The following EXPH5 variants were observed in gnomAD, a reference collection of about 807,000 sequenced individuals.
The protein encoded by EXPH5 is exophilin-5.
A neutral mutation model predicts 41.1 loss-of-function variants in EXPH5; 42 were observed. The observed-to-expected ratio is 1.02, with a 90% CI of 0.80 to 1.32. EXPH5 has a LOEUF of 1.32. EXPH5 is among the 40% of genes most tolerant of loss of function. EXPH5 has a pLI of 0.00. For missense variants in EXPH5, 2,298 were observed against 2,314.5 expected (o/e 0.99, Z 0.15); for synonymous variants, 798 against 833.5 (o/e 0.96, Z 0.73).
chr11:108,515,847 C>T (rs11212686), intron 5 of EXPH5, among the ~76,000 whole-genome samples: 3,887 of 151,916 alleles, frequency 0.026, 64 homozygotes, highest in Non-Finnish European at 0.035. Flanking sequence ...CCGAGGCGGG[C>T]GGATCACGAG....
intron 1 of EXPH5, among the ~76,000 whole-genome samples, chr11:108,581,984 T>C (rs1048093884): frequency 6.6e-6 from 1 of 152,124 alleles, no homozygotes; most frequent in African/African-American, 2.4e-5. Context: ...ATCAAAGAAA[T>C]TGAGCTCATA....
chr11:108,552,047 C>T (rs1030395217), intron 1 of EXPH5: 1 of 152,120 alleles, frequency 6.6e-6, no homozygotes, highest in African/African-American at 2.4e-5. Context: ...GCCTTTTGTT[C>T]TCCTACTTTA....
rs1394711116 is a variant in EXPH5 at position 108,593,719 on chromosome 11, A to G, written c.-183T>C. On this transcript the variant is annotated 5_prime_UTR_variant, in exon 1 of 6. Coordinates refer to ENST00000265843, the MANE Select transcript of EXPH5 (RefSeq NM_015065.3). Reference sequence around the variant, plus strand: ...CACACCTGAAGGGCTCATATTGACAATACCTTAATGACATGTTTCTCTCAA... The same window carrying G: ...CACACCTGAAGGGCTCATATTGACAGTACCTTAATGACATGTTTCTCTCAA... 6.5e-7 allele frequency: 1 copy of G among 1,539,134 alleles called. No homozygotes were observed. The highest frequency in any genetic ancestry group is 8.7e-7 in the Non-Finnish European group (1 of 1,147,402).
Position 108,509,289 on chromosome 11 carries a change from G to A in EXPH5, c.*248C>T. On this transcript the variant is annotated 3_prime_UTR_variant, in exon 6 of 6. Coordinates refer to ENST00000265843, the MANE Select transcript of EXPH5 (RefSeq NM_015065.3). ...GAATCAGGGATTAAGTGGGAGTGGT[G>A]GAAAGGCAGGCTAAGAACATTTACA... 1 of 328,672 alleles carries A rather than the reference G, an allele frequency of 3.0e-6. No homozygotes were observed. Among genetic ancestry groups the A allele is most frequent in the Non-Finnish European group, 5.5e-6 (1 of 182,114 alleles). The allele number at this position is 328,672 out of a possible 1,614,324, so 20.4% of individuals were successfully genotyped here.
At chr11:108,552,813 A>G (rs1434722643) in intron 1 of EXPH5, among the ~76,000 whole-genome samples, 1 of 152,116 alleles carries the variant, frequency 6.6e-6, no homozygotes, top group Non-Finnish European at 1.5e-5. Flanking sequence ...CAACTATTCA[A>G]GAGACTGAGG....
At chr11:108,580,197 C>T (rs961614430) in intron 1 of EXPH5, among the ~76,000 whole-genome samples, 13 of 152,062 alleles carry the variant, frequency 8.5e-5, no homozygotes, top group African/African-American at 3.1e-4. Context: ...ATTGAAACAC[C>T]TCAACAGCAA....
Position 108,541,721 on chromosome 11 carries a change from C to G in EXPH5, c.211G>C (p.Glu71Gln), listed in dbSNP as rs138610065. 4.9e-5 allele frequency: 79 copies of G among 1,613,116 alleles called. No homozygotes were observed. In the African/African-American group the frequency reaches 9.6e-4, roughly 20 times the overall value. ...EEIQRKKFCN[E>Q]TDVSQMLKQP... ...TTTAACATTTGGCTAACATCTGTTTCATTGCAAAACTTTTTTCTTTGAATT... is the reference window on the plus strand; with the variant it reads ...TTTAACATTTGGCTAACATCTGTTTGATTGCAAAACTTTTTTCTTTGAATT... The change falls in exon 2 of 6, where the codon GAA (glutamate) becomes CAA (glutamine). Residue 71 changes from glutamate (E) to glutamine (Q), a missense_variant. Coordinates refer to ENST00000265843, the MANE Select transcript of EXPH5 (RefSeq NM_015065.3).
chr11:108,582,847 C>T (rs774844368), intron 1 of EXPH5, among the ~76,000 whole-genome samples: 20 of 152,134 alleles, frequency 1.3e-4, no homozygotes, highest in Non-Finnish European at 2.2e-4. Context: ...ATTCTCCCTG[C>T]GTGCTTGTCT....
the EXPH5 span, among the ~76,000 whole-genome samples, chr11:108,606,311 T>C: frequency 6.6e-6 from 1 of 152,028 alleles, no homozygotes; most frequent in East Asian, 1.9e-4. Flanking sequence ...AGACAGCTGG[T>C]TTCCTCCTCG....
chr11:108,537,279 C>T (rs770848059), intron 3 of EXPH5, among the ~76,000 whole-genome samples: 4 of 152,178 alleles, frequency 2.6e-5, no homozygotes, highest in Non-Finnish European at 5.9e-5. Context: ...ATTTCATCTT[C>T]TGAAACCTCT....
At position 108,511,309 on chromosome 11, in the gene EXPH5, G is replaced by A; in HGVS notation, c.4198C>T (p.Leu1400Phe). 1 of 1,600,348 alleles carries A rather than the reference G, an allele frequency of 6.2e-7. No individual in the cohort carries two copies. The highest frequency in any genetic ancestry group is 8.5e-7 in the Non-Finnish European group (1 of 1,175,464). ...QSETLHTSLM[L>F]QRKNVSEEKS... ...TCTTCGGATACATTTTTTCTCTGAA[G>A]CATCAATGAAGTATGCAGGGTTTCA... The change falls in exon 6 of 6, where the codon CTT (leucine) becomes TTT (phenylalanine). Residue 1400 changes from leucine (L) to phenylalanine (F), a missense_variant. Leu to Phe is a conservative substitution (Grantham distance 22). Coordinates refer to ENST00000265843, the MANE Select transcript of EXPH5 (RefSeq NM_015065.3).
chr11:108,600,953 C>A, the EXPH5 span, among the ~76,000 whole-genome samples: 1 of 152,162 alleles, frequency 6.6e-6, no homozygotes, highest in African/African-American at 2.4e-5. Context: ...GTTGAAAGAA[C>A]ACAAAGAAGT....
At chr11:108,602,380 G>T in the EXPH5 span, among the ~76,000 whole-genome samples, 4 of 151,962 alleles carry the variant, frequency 2.6e-5, no homozygotes, top group Admixed American at 6.6e-5. Flanking sequence ...TTCCTTCCTT[G>T]ATAGTTTTCA....
intron 4 of EXPH5, among the ~76,000 whole-genome samples, chr11:108,521,066 CT>C (rs1371304710): frequency 6.6e-6 from 1 of 152,166 alleles, no homozygotes; most frequent in Non-Finnish European, 1.5e-5. Flanking sequence ...TTAGCTCATC[CT>C]GCACTCATCC....
intron 3 of EXPH5, among the ~76,000 whole-genome samples, chr11:108,531,897 T>C (rs1205528160): frequency 1.3e-5 from 2 of 152,176 alleles, no homozygotes; most frequent in Non-Finnish European, 2.9e-5. Context: ...CATCTCTACA[T>C]CTCCCTGCAT....
rs114004187 is a variant in EXPH5 at position 108,544,982 on chromosome 11, T to C, written c.120-3170A>G. On this transcript the variant is annotated intron_variant, in intron 1 of 5. Transcript: ENST00000265843. ...GCTATCTCTTCTTTTTGTTTGATTGTGAATTTTTATTTGTGTTGTCACTTT... is the reference window on the plus strand; with the variant it reads ...GCTATCTCTTCTTTTTGTTTGATTGCGAATTTTTATTTGTGTTGTCACTTT... 5.3e-3 allele frequency among the ~76,000 whole-genome samples: 814 copies of C among 152,320 alleles called. 3 individuals carry two copies. Among genetic ancestry groups the C allele is most frequent in the African/African-American group, 0.019 (774 of 41,544 alleles).
chr11:108,522,894 T>C (rs907429227), intron 4 of EXPH5, among the ~76,000 whole-genome samples: 1 of 152,100 alleles, frequency 6.6e-6, no homozygotes, highest in African/African-American at 2.4e-5. Flanking sequence ...AATTTTTTTT[T>C]TTTTAAGAGA....
intron 1 of EXPH5, among the ~76,000 whole-genome samples, chr11:108,542,812 G>A (rs1020246994): frequency 3.3e-5 from 5 of 152,170 alleles, no homozygotes; most frequent in South Asian, 2.1e-4. Context: ...TCCGCCTCCC[G>A]AGTTCAAGTG....
rs2094016910 is a variant in EXPH5, at chr11:108,562,442, A to AAC, written c.120-20631_120-20630insGT. Among the ~76,000 whole-genome samples, 5 of 151,076 alleles carry AAC rather than the reference A, an allele frequency of 3.3e-5. No individual in the cohort carries two copies. In the South Asian group the frequency reaches 1.1e-3, roughly 32 times the overall value. ...CCCGTTCTCTACTAAACAACAACAA[A>AAC]AAAAAAGAATACAAAAATTAGCTGG... On this transcript the variant is annotated intron_variant, in intron 1 of 5. Transcript: ENST00000265843.
Sources: gnomAD v4.1 joint callset for allele counts (sites outside exome capture counted in the v4.1 genomes callset) on GRCh38, gnomAD v4.1.1 for gene constraint, MANE v1.5 for transcripts, NCBI Gene and HGNC (gene_info 2026-07-23, HGNC 2026-07-21) for gene names.